The following ADGRB3 variants were observed in gnomAD, a reference collection of about 807,000 sequenced individuals.
ADGRB3 encodes the protein brain-specific angiogenesis inhibitor 3.
In ADGRB3, 37 loss-of-function variants were observed where a neutral mutation model predicts 193.4. That is an observed-to-expected ratio of 0.19 (90% CI 0.15 to 0.25). The LOEUF (loss-of-function observed/expected upper bound fraction) is 0.25, where lower values mean the gene tolerates loss of function less well. ADGRB3 is among the 10% of genes least tolerant of loss of function. The pLI is 1.00. For synonymous variants in ADGRB3, 690 were observed against 644.2 expected, an observed-to-expected ratio of 1.07 and a Z score of -1.08; for missense variants, 1,637 against 1,852.9, an observed-to-expected ratio of 0.88 and a Z score of 2.14.
chr6:69,103,949 A>G (rs912396265), intron 17 of ADGRB3, among the ~76,000 whole-genome samples: 3 of 152,210 alleles, frequency 2.0e-5, no homozygotes, highest in East Asian at 3.9e-4. Flanking sequence ...TAAATTATAC[A>G]TTAATATTGT....
chr6:69,169,715 C>G (rs982697823), intron 17 of ADGRB3, among the ~76,000 whole-genome samples: 13 of 152,004 alleles, frequency 8.6e-5, no homozygotes, highest in African/African-American at 2.4e-5. Flanking sequence ...TGAGGAATAA[C>G]TAAAGAATAA....
intron 17 of ADGRB3, among the ~76,000 whole-genome samples, chr6:69,097,326 A>C (rs1772910388): frequency 6.6e-6 from 1 of 152,216 alleles, no homozygotes; most frequent in African/African-American, 2.4e-5. Context: ...ACATGTCTTC[A>C]CTTAAAGAAA....
At chr6:69,179,709 G>T (rs1382660119) in intron 17 of ADGRB3, among the ~76,000 whole-genome samples, 1 of 152,070 alleles carries the variant, frequency 6.6e-6, no homozygotes, top group Non-Finnish European at 1.5e-5. Flanking sequence ...GGGGTGTGTG[G>T]CTGTAGAGAA....
intron 17 of ADGRB3, among the ~76,000 whole-genome samples, chr6:69,221,309 A>G (rs150286898): frequency 6.6e-6 from 1 of 152,260 alleles, no homozygotes; most frequent in East Asian, 1.9e-4. Flanking sequence ...GAAATGCCAT[A>G]CTACAAAATT....
At chr6:68,829,099 T>C (rs801267) in intron 3 of ADGRB3, among the ~76,000 whole-genome samples, 24,980 of 128,314 alleles carry the variant, frequency 0.19, 2,938 homozygotes, top group East Asian at 0.53. Flanking sequence ...AACTTTTTTT[T>C]TTTTTTTTTT....
chr6:68,804,635 C>T (rs577835859), intron 3 of ADGRB3, among the ~76,000 whole-genome samples: 13 of 152,068 alleles, frequency 8.5e-5, no homozygotes, highest in African/African-American at 2.7e-4. Context: ...TAATATTTCT[C>T]TATCATGTGA....
chr6:69,194,096 T>C (rs904015385), intron 17 of ADGRB3, among the ~76,000 whole-genome samples: 1 of 152,110 alleles, frequency 6.6e-6, no homozygotes, highest in Non-Finnish European at 1.5e-5. Flanking sequence ...TTTTCCTCTC[T>C]TATTTCTCTA....
chr6:69,105,131 T>C (rs1773172865), intron 17 of ADGRB3, among the ~76,000 whole-genome samples: 1 of 152,196 alleles, frequency 6.6e-6, no homozygotes, highest in Admixed American at 6.5e-5. Flanking sequence ...TTGCAAGAAA[T>C]GTTTCATCAT....
chr6:69,298,507 C>T (rs776935971), intron 20 of ADGRB3, among the ~76,000 whole-genome samples: 25 of 151,806 alleles, frequency 1.6e-4, no homozygotes, highest in Admixed American at 5.3e-4. Flanking sequence ...TATTTTTGGG[C>T]CATTAAGCAT....
chr6:68,862,926 A>G (rs1248110912), intron 3 of ADGRB3, among the ~76,000 whole-genome samples: 1 of 152,132 alleles, frequency 6.6e-6, no homozygotes, highest in Non-Finnish European at 1.5e-5. Flanking sequence ...ATTGTCGTCA[A>G]TAGAATTGAG....
At chr6:69,233,146 C>A (rs755493644) in intron 17 of ADGRB3, 144 bp from the exon 18 acceptor site, 2 of 1,180,220 alleles carry the variant, frequency 1.7e-6, no homozygotes, top group Non-Finnish European at 2.4e-6. Context: ...TAAATTACAT[C>A]CTGTTCAACA....
At chr6:68,833,696 A>G (rs1349215314) in intron 3 of ADGRB3, among the ~76,000 whole-genome samples, 1 of 151,944 alleles carries the variant, frequency 6.6e-6, no homozygotes, top group Non-Finnish European at 1.5e-5. Flanking sequence ...ATATTTTGCA[A>G]ATTTGTTTAA....
intron 3 of ADGRB3, among the ~76,000 whole-genome samples, chr6:68,806,821 C>T (rs1378859317): frequency 6.6e-6 from 1 of 151,874 alleles, no homozygotes; most frequent in Non-Finnish European, 1.5e-5. Flanking sequence ...TAGAGTAGTT[C>T]CTATACTCAA....
rs78397657 is a variant in ADGRB3, at chr6:69,261,148, A to T, written c.2814+21922A>T. Among the ~76,000 whole-genome samples, 17 of 152,306 alleles carry T rather than the reference A, an allele frequency of 1.1e-4. No homozygotes were observed. The East Asian group carries it at 3.3e-3, about 29-fold the overall frequency. On this transcript the variant is annotated intron_variant, in intron 20 of 31. Coordinates refer to ENST00000370598, the MANE Select transcript of ADGRB3 (RefSeq NM_001704.3). ...TGTCACACACAAAAATACAAGGAAA[A>T]TGGTAGCAGCAAGGCTAATCTATAG...
chr6:68,738,344 C>T (rs971247454), intron 3 of ADGRB3, among the ~76,000 whole-genome samples: 3 of 151,796 alleles, frequency 2.0e-5, no homozygotes, highest in African/African-American at 7.3e-5. Flanking sequence ...AAAATGGGGA[C>T]TGACTGGAGG....
intron 20 of ADGRB3, among the ~76,000 whole-genome samples, chr6:69,244,922 A>C (rs999469029): frequency 6.6e-6 from 1 of 152,002 alleles, no homozygotes. Context: ...TGACACCCAG[A>C]TATACATCTG....
chr6:69,154,594 T>C (rs546156988), intron 17 of ADGRB3, among the ~76,000 whole-genome samples: 6 of 152,310 alleles, frequency 3.9e-5, no homozygotes, highest in African/African-American at 1.4e-4. Context: ...AGATCACATC[T>C]CCAGTCTCTG....
At chr6:68,907,792 T>G (rs1048725204) in intron 3 of ADGRB3, among the ~76,000 whole-genome samples, 1 of 152,048 alleles carries the variant, frequency 6.6e-6, no homozygotes, top group African/African-American at 2.4e-5. Flanking sequence ...TTTAACCATG[T>G]TTGCCAGATG....
intron 17 of ADGRB3, among the ~76,000 whole-genome samples, chr6:69,186,602 G>A (rs1765075683): frequency 6.6e-6 from 1 of 151,794 alleles, no homozygotes; most frequent in Admixed American, 6.6e-5. Context: ...TAAAATCTCA[G>A]TCACTATTTT....
Sources: gnomAD v4.1 joint callset for allele counts (sites outside exome capture counted in the v4.1 genomes callset) on GRCh38, gnomAD v4.1.1 for gene constraint, MANE v1.5 for transcripts, NCBI Gene and HGNC (gene_info 2026-07-23, HGNC 2026-07-21) for gene names.